Variants in SOS1 observed in about 807,000 individuals in gnomAD.
The protein encoded by SOS1 is son of sevenless homolog 1.
In SOS1, 25 loss-of-function variants were observed where a neutral mutation model predicts 157.6. That is an observed-to-expected ratio of 0.16 (90% CI 0.12 to 0.22). The LOEUF (loss-of-function observed/expected upper bound fraction) is 0.22, where lower values mean the gene tolerates loss of function less well. SOS1 is among the 10% of genes least tolerant of loss of function. SOS1 has a pLI of 1.00. For missense variants in SOS1, 1,237 were observed against 1,599.1 expected (o/e 0.77, Z 3.86); for synonymous variants, 528 against 534.0 (o/e 0.99, Z 0.16).
chr2:39,054,258 C>T (rs1671130158), intron 5 of SOS1, among the ~76,000 whole-genome samples: 1 of 152,234 alleles, frequency 6.6e-6, no homozygotes, highest in African/African-American at 2.4e-5. Flanking sequence ...TGAATCCCTG[C>T]TGCCAAGCAT....
intron 20 of SOS1, among the ~76,000 whole-genome samples, chr2:38,991,376 T>G (rs537484399): frequency 8.2e-4 from 125 of 152,332 alleles, no homozygotes; most frequent in African/African-American, 3.0e-3. Context: ...AATACATTCT[T>G]TTTGTTGTTA....
At chr2:39,114,069 CAATG>C (rs1236322155) in intron 1 of SOS1, among the ~76,000 whole-genome samples, 1 of 152,036 alleles carries the variant, frequency 6.6e-6, no homozygotes, top group Non-Finnish European at 1.5e-5. Context: ...CTGGTATGAT[CAATG>C]ACTCTTTCTT....
At chr2:39,085,872 G>A (rs2148178658) in intron 1 of SOS1, among the ~76,000 whole-genome samples, 1 of 152,262 alleles carries the variant, frequency 6.6e-6, no homozygotes, top group Non-Finnish European at 1.5e-5. Flanking sequence ...GAGCTTAGAA[G>A]TACAATAGGG....
Position 39,047,648 on chromosome 2 carries a change from T to C in SOS1, c.864+3496A>G, listed in dbSNP as rs150082773. Among the ~76,000 whole-genome samples, 6 of 152,326 alleles carry C rather than the reference T, an allele frequency of 3.9e-5. No individual in the cohort carries two copies. In the East Asian group the frequency reaches 1.2e-3, roughly 29 times the overall value. ...CCCTGAAGTTTTAGTTATTGATTTG[T>C]AGGCATGTAGGAGTTATTTTGTTTT... is the stretch of plus-strand genomic sequence containing the variant. On this transcript the variant is annotated intron_variant, in intron 6 of 22. Transcript: ENST00000402219.
Position 39,051,225 on chromosome 2 carries a change from G to T in SOS1, c.783C>A (p.Gly261=), listed in dbSNP as rs951992465. Residue 261 remains glycine (G), a synonymous_variant, in exon 6 of 23, where the codon GGC becomes GGA. Transcript: ENST00000402219. ...DIHELSVKLL[G]HIEDTVEMTD... The stretch of plus-strand genomic sequence containing the variant: ...TCATTTCTACTGTATCTTCTATATG[G>T]CCCAGTAACTTTACACTAAGTTCAT... 1.3e-5 allele frequency: 21 copies of T among 1,611,022 alleles called. No homozygotes were observed. The highest frequency in any genetic ancestry group is 1.7e-5 in the Non-Finnish European group (20 of 1,177,342).
At chr2:39,017,841 T>C (rs541389324) in intron 10 of SOS1, among the ~76,000 whole-genome samples, 8 of 152,100 alleles carry the variant, frequency 5.3e-5, no homozygotes, top group Non-Finnish European at 1.2e-4. Flanking sequence ...TTCTATTGGA[T>C]TGGTTTCTCC....
chr2:39,120,191 G>T (rs915346240), intron 1 of SOS1, 145 bp downstream of exon 1: 34 of 634,002 alleles, frequency 5.4e-5, no homozygotes, highest in Non-Finnish European at 7.6e-5. Context: ...GTATGAGGGG[G>T]GCCTCTCCGT....
chr2:39,106,184 T>TACACAA (rs1673171152), intron 1 of SOS1, among the ~76,000 whole-genome samples: 2 of 148,122 alleles, frequency 1.4e-5, no homozygotes, highest in African/African-American at 2.5e-5. Flanking sequence ...TGTGCTACTG[T>TACACAA]ACACACACAC....
chr2:38,986,460 A>G, intron 22 of SOS1, 145 bp from the exon 23 acceptor site: 1 of 825,406 alleles, frequency 1.2e-6, no homozygotes, highest in Non-Finnish European at 1.8e-6. Flanking sequence ...TTTTCTTTTT[A>G]ATTAAAAAAA....
At chr2:38,991,029 C>T (rs866177344) in intron 20 of SOS1, among the ~76,000 whole-genome samples, 19 of 151,944 alleles carry the variant, frequency 1.3e-4, no homozygotes, top group Admixed American at 7.9e-4. Context: ...CTTGGCTGTA[C>T]ATTAGAATCC....
At chr2:39,056,201 G>A (rs530172405) in intron 4 of SOS1, among the ~76,000 whole-genome samples, 23 of 152,224 alleles carry the variant, frequency 1.5e-4, no homozygotes, top group Middle Eastern at 3.4e-3. Flanking sequence ...AGGCCAAGGC[G>A]GTCAGGAGTT....
chr2:39,030,992 T>C (rs1670140314), intron 8 of SOS1, among the ~76,000 whole-genome samples: 1 of 149,716 alleles, frequency 6.7e-6, no homozygotes, highest in Admixed American at 6.7e-5. Flanking sequence ...ATCGCTGGGG[T>C]CCACCAGAAG....
intron 8 of SOS1, among the ~76,000 whole-genome samples, chr2:39,025,612 G>A (rs1033196162): frequency 2.0e-5 from 3 of 151,770 alleles, no homozygotes; most frequent in South Asian, 2.1e-4. Flanking sequence ...TGCCTGCTTC[G>A]GCCTCCCAAA....
intron 2 of SOS1, among the ~76,000 whole-genome samples, chr2:39,063,713 G>A (rs1438655976): frequency 6.6e-6 from 1 of 152,064 alleles, no homozygotes. Flanking sequence ...AAACTATACA[G>A]CAACTAAAAA....
chr2:39,007,323 C>T, intron 15 of SOS1, 130 bp from the exon 16 acceptor site: 1 of 671,410 alleles, frequency 1.5e-6, no homozygotes, highest in Non-Finnish European at 2.6e-6. Flanking sequence ...ATAGAGAAGA[C>T]ACATTCAGGG....
chr2:39,041,460 A>T (rs1670565300), intron 6 of SOS1, among the ~76,000 whole-genome samples: 1 of 151,914 alleles, frequency 6.6e-6, no homozygotes, highest in Admixed American at 6.6e-5. Flanking sequence ...ATTTGCAAAT[A>T]TTTTTTCCCT....
intron 6 of SOS1, among the ~76,000 whole-genome samples, chr2:39,037,062 G>T (rs1053477987): frequency 1.1e-4 from 16 of 152,186 alleles, no homozygotes; most frequent in African/African-American, 3.9e-4. Context: ...TTGCAATATG[G>T]CATGTAAACT....
chr2:39,055,751 G>T (rs1203242786), intron 4 of SOS1, among the ~76,000 whole-genome samples: 3 of 152,148 alleles, frequency 2.0e-5, no homozygotes, highest in Middle Eastern at 3.2e-3. Context: ...CTGCAAAGTT[G>T]TTTTCATAAA....
chr2:39,066,598 ATACTCTT>A (rs1376225431), intron 2 of SOS1, among the ~76,000 whole-genome samples: 35 of 152,294 alleles, frequency 2.3e-4, no homozygotes, highest in African/African-American at 6.7e-4. Context: ...GGTTTCCCAT[ATACTCTT>A]TACTCATAGA....
Sources: allele counts gnomAD v4.1 joint callset (sites outside exome capture counted in the v4.1 genomes callset), GRCh38; gene constraint gnomAD v4.1.1; transcripts MANE v1.5; gene names NCBI Gene and HGNC (gene_info 2026-07-23, HGNC 2026-07-21).